LRWD1: variants seen among roughly 807,000 people sequenced by gnomAD.
LRWD1 encodes the protein leucine rich repeats and WD repeat domain containing 1.
Under a neutral mutation model 75.6 loss-of-function variants are expected in LRWD1, and 76 were observed. The ratio of observed to expected loss-of-function variants is 1.01; its 90% confidence interval spans 0.84 to 1.22. The LOEUF (loss-of-function observed/expected upper bound fraction) is 1.22. Ranked by LOEUF, LRWD1 falls within the 50% of genes most tolerant of loss-of-function variation. LRWD1 has a pLI of 0.00. For missense variants in LRWD1, 917 were observed against 862.0 expected (o/e 1.06, Z -0.80); for synonymous variants, 487 against 377.0 (o/e 1.29, Z -3.38).
Position 102,467,118 on chromosome 7 carries a change from GGTGT to G in LRWD1, c.433-204_433-201del, listed in dbSNP as rs60020010. 2.9e-3 allele frequency among the ~76,000 whole-genome samples: 332 copies of G among 114,498 alleles called. 1 individual carries two copies. Among genetic ancestry groups the G allele is most frequent in the South Asian group, 9.9e-3 (32 of 3,234 alleles). 75.1% of individuals were successfully genotyped at this position (114,498 alleles called of 152,430 possible). ...GTGTAGGCACCTGGGTTGTTGCTGGGGTGTGTGTGTGTGTGTGTGTAGGCACCTG... is the reference window on the plus strand; with the variant it reads ...GTGTAGGCACCTGGGTTGTTGCTGGGGTGTGTGTGTGTGTGTAGGCACCTG... On this transcript the variant is annotated intron_variant, in intron 3 of 14. Transcript: ENST00000292616.
At chr7:102,468,758 T>C (rs1798095029) in intron 8 of LRWD1, 97 bp from the exon 9 acceptor site, 5 of 1,529,446 alleles carry the variant, frequency 3.3e-6, no homozygotes, top group Non-Finnish European at 4.4e-6. Flanking sequence ...ATGGCCTTTT[T>C]CTTTCATGCT....
In LRWD1 at chr7:102,469,146, TG is replaced by T. The variant is rs1397707247; in HGVS notation, c.1228+86del. 5 of 1,299,664 alleles carry T rather than the reference TG, an allele frequency of 3.8e-6. No homozygotes were observed. In the East Asian group the frequency reaches 1.0e-4, roughly 27 times the overall value. The allele number at this position is 1,299,664 out of a possible 1,614,324, so 80.5% of individuals were successfully genotyped here. A position where few individuals can be genotyped will look rare whatever the true frequency, so the allele number is the denominator to read the frequency against. On this transcript the variant is annotated intron_variant, in intron 9 of 14. Coordinates refer to ENST00000292616, the MANE Select transcript of LRWD1 (RefSeq NM_152892.3). ...AGCCTCCACGCTCCCCTCCCTGGGA[TG>T]GCTGTGAGCTCGGGCGCCTGCCGGG...
At chr7:102,467,651 C>A in intron 4 of LRWD1, 68 bp from the exon 5 acceptor site, 2 of 1,516,376 alleles carry the variant, frequency 1.3e-6, no homozygotes, top group Non-Finnish European at 9.0e-7. Flanking sequence ...CTCCCCCTGA[C>A]TATGCATCGG....
intron 9 of LRWD1, 82 bp downstream of exon 9, chr7:102,469,144 G>C (rs1798108926): frequency 9.1e-6 from 12 of 1,314,636 alleles, no homozygotes; most frequent in Non-Finnish European, 1.1e-5. Flanking sequence ...CCCTCCCTGG[G>C]ATGGCTGTGA....
rs1798043113 is a variant in LRWD1, at chr7:102,467,410, CTT to C, written c.506_507del (p.Phe169CysfsTer28). 1.2e-6 allele frequency: 2 copies of C among 1,613,750 alleles called. No homozygotes were observed. The highest frequency in any genetic ancestry group is 1.7e-6 in the Non-Finnish European group (2 of 1,179,972). On this transcript the variant is annotated frameshift_variant, in exon 4 of 15. Transcript: ENST00000292616. LOFTEE classifies it high-confidence loss of function. The stretch of plus-strand genomic sequence containing the variant: ...AGGAGGCTGAGAAGGCCCAGGCGGA[CTT>C]TGTGAAGTCGGCTGTCAGGGATGTC... Reference protein sequence around the residue: ...EEEAEKAQADFVKSAVRDVRY... With the variant: ...EEEAEKAQADXVKSAVRDVRY...
chr7:102,471,836 G>A (rs1798199374), intron 11 of LRWD1: 1 of 224,706 alleles, frequency 4.5e-6, no homozygotes, highest in South Asian at 6.1e-5. Context: ...CAGAGCAGAT[G>A]CCCCCAACAG....
Position 102,467,558 on chromosome 7 carries a change from C to CT in LRWD1, c.573+80dup, listed in dbSNP as rs943768595. 3.9e-5 allele frequency: 62 copies of CT among 1,579,064 alleles called. No individual in the cohort carries two copies. In the Admixed American group the frequency reaches 8.2e-4, roughly 21 times the overall value. ...CCTGGAGGTCCCTGGCCATGAAGGG[C>CT]TGAGGGGCTGTGGGAGTGGGGTGAG... On this transcript the variant is annotated intron_variant, in intron 4 of 14. Transcript: ENST00000292616.
Position 102,473,109 on chromosome 7 carries a change from AT to A in LRWD1, c.*61del. 16 of 1,134,376 alleles carry A rather than the reference AT, an allele frequency of 1.4e-5. No homozygotes were observed. The highest frequency in any genetic ancestry group is 1.6e-5 in the Non-Finnish European group (13 of 806,776). 70.3% of individuals were successfully genotyped at this position (1,134,376 alleles called of 1,614,324 possible). A position where few individuals can be genotyped will look rare whatever the true frequency, so the allele number is the denominator to read the frequency against. ...AACTAACTTATTCAGCTTTGGGCCG[AT>A]GGGGGTGGGGGGGGGTCTTTCAGTG... On this transcript the variant is annotated 3_prime_UTR_variant, in exon 15 of 15. Transcript: ENST00000292616.
At chr7:102,466,777 T>C (rs1228117114) in intron 3 of LRWD1, among the ~76,000 whole-genome samples, 1 of 102,626 alleles carries the variant, frequency 9.7e-6, no homozygotes, top group East Asian at 2.8e-4. Context: ...TTTTTTTTTT[T>C]TTTTTTTTTT....
Position 102,472,615 on chromosome 7 carries a change from C to T in LRWD1, c.1690+6C>T. ...CTCGCTCAGCGCCTGCCCTGGTGAG[C>T]CTGCCCCCCTGCCCGCCCCATCCCG... On this transcript the variant is annotated splice_donor_region_variant and intron_variant, in intron 13 of 14. Coordinates refer to ENST00000292616, the MANE Select transcript of LRWD1 (RefSeq NM_152892.3). 6.2e-7 allele frequency: 1 copy of T among 1,608,974 alleles called. No homozygotes were observed. The highest frequency in any genetic ancestry group is 8.5e-7 in the Non-Finnish European group (1 of 1,177,112).
At chr7:102,470,105 A>C in intron 11 of LRWD1, 5 of 530,366 alleles carry the variant, frequency 9.4e-6, no homozygotes, top group South Asian at 3.4e-5. Flanking sequence ...GGCCATGATG[A>C]CCTCCCCTTC....
Position 102,472,886 on chromosome 7 carries a change from GCCCTC to G in LRWD1, c.1804-17_1804-13del. 6.2e-7 allele frequency: 1 copy of G among 1,606,534 alleles called. No homozygotes were observed. The highest frequency in any genetic ancestry group is 2.2e-5 in the East Asian group (1 of 44,784). On this transcript the variant is annotated intron_variant, in intron 14 of 14. Coordinates refer to ENST00000292616, the MANE Select transcript of LRWD1 (RefSeq NM_152892.3). ...CTTTGGTCAGCAGGAGCCCAGCCCA[GCCCTC>G]CCCTCTCTCCCCACCAGATCCTGAA...
intron 11 of LRWD1, chr7:102,470,123 G>A (rs1408816762): frequency 1.9e-6 from 1 of 515,154 alleles, no homozygotes; most frequent in South Asian, 3.2e-5. Flanking sequence ...TTCACCTGGG[G>A]CTTCAGCACC....
chr7:102,468,842 A>G lies in LRWD1; in HGVS notation c.1021-13A>G, dbSNP rs1163041637. ...CTCTGCCCCAGTGACTGTTTACTCT[A>G]ACCCCCGCCCAGGAGTTCTTTTCTG... On this transcript the variant is annotated splice_polypyrimidine_tract_variant and intron_variant, in intron 8 of 14. Coordinates refer to ENST00000292616, the MANE Select transcript of LRWD1 (RefSeq NM_152892.3). 2 of 1,607,782 alleles carry G rather than the reference A, an allele frequency of 1.2e-6. No homozygotes were observed. The highest frequency in any genetic ancestry group is 1.3e-5 in the African/African-American group (1 of 74,814).
Position 102,468,644 on chromosome 7 carries a change from C to T in LRWD1, c.1010C>T (p.Ala337Val), listed in dbSNP as rs1347567402. ...GGCATCGTGCTCCACAAGTACAAGG[C>T]ACCCGGCGAGGTGAGTGCAAGGCCC... ...QTGIVLHKYK[A>V]PGEEFFSVAW... The change falls in exon 8 of 15, where the codon GCA (alanine) becomes GTA (valine). Residue 337 changes from alanine to valine, a missense_variant. Coordinates refer to ENST00000292616, the MANE Select transcript of LRWD1 (RefSeq NM_152892.3). 3 of 1,566,604 alleles carry T rather than the reference C, an allele frequency of 1.9e-6. No individual in the cohort carries two copies. The highest frequency in any genetic ancestry group is 2.6e-6 in the Non-Finnish European group (3 of 1,155,680).
chr7:102,465,192 C>T (rs1797920724), intron 1 of LRWD1, 32 bp downstream of exon 1: 2 of 1,435,816 alleles, frequency 1.4e-6, no homozygotes, highest in African/African-American at 1.5e-5. Flanking sequence ...AGGCTGTGTC[C>T]TCGGGGCCGG....
Position 102,473,013 on chromosome 7 carries a change from G to T in LRWD1, c.1908G>T (p.Thr636=). 5 of 1,614,012 alleles carry T rather than the reference G, an allele frequency of 3.1e-6. No individual in the cohort carries two copies. Among genetic ancestry groups the T allele is most frequent in the African/African-American group, 1.3e-5 (1 of 75,026 alleles). The part of the protein sequence containing the change: ...NASFTYLTAL[T]DSNIVAIWGR... ...CCTTCACCTACCTCACCGCCCTGACGGACTCCAACATCGTAGCCATCTGGG... is the reference window on the plus strand; with the variant it reads ...CCTTCACCTACCTCACCGCCCTGACTGACTCCAACATCGTAGCCATCTGGG... The change falls in exon 15 of 15, where the codon ACG becomes ACT. Residue 636 remains threonine (T), a synonymous_variant. Coordinates refer to ENST00000292616, the MANE Select transcript of LRWD1 (RefSeq NM_152892.3).
Position 102,472,779 on chromosome 7 carries a change from C to T in LRWD1, c.1778C>T (p.Pro593Leu), listed in dbSNP as rs148981077. 70,329 of 1,613,384 alleles carry T rather than the reference C, an allele frequency of 0.044. 1,790 individuals carry two copies. The highest frequency in any genetic ancestry group is 0.048 in the Non-Finnish European group (56,618 of 1,179,914). Residue 593 changes from proline to leucine, a missense_variant, in exon 14 of 15, where the codon CCG becomes CTG. Coordinates refer to ENST00000292616, the MANE Select transcript of LRWD1 (RefSeq NM_152892.3). Reference sequence around the variant, plus strand: ...ATCCTGAAGCAGCCACCCCTGCTGCCGGCAGCCCTGCAGGCCCCCACACAG... The same window carrying T: ...ATCCTGAAGCAGCCACCCCTGCTGCTGGCAGCCCTGCAGGCCCCCACACAG... The part of the protein sequence containing the change: ...SNILKQPPLL[P>L]AALQAPTQIL...
intron 9 of LRWD1, 73 bp from the exon 10 acceptor site, chr7:102,469,501 C>T: frequency 6.4e-7 from 1 of 1,571,510 alleles, no homozygotes; most frequent in South Asian, 1.1e-5. Context: ...GTGGGCTCAG[C>T]CTGGGATGCA....
Sources: gnomAD v4.1 joint callset for allele counts (sites outside exome capture counted in the v4.1 genomes callset) on GRCh38, gnomAD v4.1.1 for gene constraint, MANE v1.5 for transcripts, NCBI Gene and HGNC (gene_info 2026-07-23, HGNC 2026-07-21) for gene names.